Variants in ZNF426 observed in about 807,000 individuals in gnomAD.
ZNF426 encodes CTC-543D15.7.
In ZNF426, 23 loss-of-function variants were observed where a neutral mutation model predicts 24.0. The ratio of observed to expected loss-of-function variants is 0.96; its 90% CI spans 0.69 to 1.36. ZNF426 has a LOEUF of 1.36. ZNF426 is among the 40% of genes most tolerant of loss of function. ZNF426 has a pLI of 0.00. For synonymous variants in ZNF426, 272 were observed against 224.6 expected, an observed-to-expected ratio of 1.21 and a Z score of -1.89; for missense variants, 646 against 658.4, an observed-to-expected ratio of 0.98 and a Z score of 0.21.
chr19:9,533,545 A>G (rs957365224), intron 5 of ZNF426, among the ~76,000 whole-genome samples: 4 of 152,214 alleles, frequency 2.6e-5, no homozygotes, highest in African/African-American at 9.6e-5. Context: ...TTTTTAAAAC[A>G]TTATTGTGCA....
chr19:9,534,078 A>G, intron 4 of ZNF426, 112 bp from the exon 5 acceptor site: 1 of 1,449,542 alleles, frequency 6.9e-7, no homozygotes. Context: ...GGCTGCAGTG[A>G]CCAGCCCCAG....
intron 5 of ZNF426, 25 bp downstream of exon 5, chr19:9,533,815 C>T (rs2073923289): frequency 6.2e-7 from 1 of 1,613,484 alleles, no homozygotes; most frequent in Non-Finnish European, 8.5e-7. Context: ...CCATAGAAGG[C>T]TGCAAGGGAT....
chr19:9,530,932 T>A, intron 7 of ZNF426, 53 bp downstream of exon 7: 4 of 1,450,306 alleles, frequency 2.8e-6, no homozygotes, highest in Non-Finnish European at 3.9e-6. Flanking sequence ...CATAACAGAA[T>A]TCCTGATTTT....
At chr19:9,537,044 C>T (rs986010538) in intron 2 of ZNF426, among the ~76,000 whole-genome samples, 10 of 151,866 alleles carry the variant, frequency 6.6e-5, no homozygotes, top group East Asian at 1.9e-4. Flanking sequence ...GCAGGAGAAT[C>T]GCTTGATCCT....
chr19:9,529,734 G>A, intron 7 of ZNF426, 98 bp from the exon 8 acceptor site: 1 of 1,198,428 alleles, frequency 8.3e-7, no homozygotes, highest in Non-Finnish European at 1.1e-6. Flanking sequence ...GATTATAATT[G>A]ATGCCATTTT....
chr19:9,529,473 G>A lies in ZNF426; in HGVS notation c.572C>T (p.Ser191Phe). Reference protein sequence around the residue: ...KDFLTLCEKTSTGEKLSEFNQ... With the variant: ...KDFLTLCEKTFTGEKLSEFNQ... ...AAACTCAGAAAGTTTCTCACCAGTA[G>A]AGGTTTTCTCACACAGGGTAAGGAA... Residue 191 changes from serine (S) to phenylalanine (F), a missense_variant, in exon 8 of 8, where the codon TCT (serine) becomes TTT (phenylalanine). Coordinates refer to ENST00000253115, the MANE Select transcript of ZNF426 (RefSeq NM_024106.3). The A allele has an allele frequency of 1.2e-6, 2 of 1,614,046 alleles. No individual in the cohort carries two copies. The highest frequency in any genetic ancestry group is 4.5e-5 in the East Asian group (2 of 44,880).
Position 9,526,987 on chromosome 19 carries a change from G to C in ZNF426, c.*1393C>G, listed in dbSNP as rs1267943626. The stretch of plus-strand genomic sequence containing the variant: ...TCTGAAAAATAGCTACAATGTATTA[G>C]ATTACATATGCTAATTTGTGTGTGT... On this transcript the variant is annotated 3_prime_UTR_variant, in exon 8 of 8. Coordinates refer to ENST00000253115, the MANE Select transcript of ZNF426 (RefSeq NM_024106.3). 6.6e-6 allele frequency: 1 copy of C among 152,112 alleles called. No homozygotes were observed. The highest frequency in any genetic ancestry group is 1.9e-4 in the East Asian group (1 of 5,196). 9.4% of individuals were successfully genotyped at this position (152,112 alleles called of 1,614,324 possible).
chr19:9,534,095 AG>A, intron 4 of ZNF426, 129 bp from the exon 5 acceptor site: 2 of 1,331,378 alleles, frequency 1.5e-6, no homozygotes, highest in Non-Finnish European at 1.0e-6. Context: ...CCAGGTTTTA[AG>A]GGTCCTAGAA....
Position 9,533,895 on chromosome 19 carries a change from CTGAGT to C in ZNF426, c.184_188del (p.Thr62GlufsTer6). The C allele has an allele frequency of 6.2e-7, 1 of 1,614,172 alleles. No individual in the cohort carries two copies. The highest frequency in any genetic ancestry group is 8.5e-7 in the Non-Finnish European group (1 of 1,180,008). ...GCATCACGTCACTGTAGAGGCTTCTCTGAGTTGAGTCCAGTAAAGTCCACTCCTCC... is the reference window on the plus strand; with the variant it reads ...GCATCACGTCACTGTAGAGGCTTCTCTGAGTCCAGTAAAGTCCACTCCTCC... On this transcript the variant is annotated frameshift_variant, in exon 5 of 8. Transcript: ENST00000253115. LOFTEE classifies it high-confidence loss of function.
chr19:9,528,721 G>A lies in ZNF426; in HGVS notation c.1324C>T (p.His442Tyr). 6.2e-7 allele frequency: 1 copy of A among 1,614,128 alleles called. No individual in the cohort carries two copies. Among genetic ancestry groups the A allele is most frequent in the South Asian group, 1.1e-5 (1 of 91,074 alleles). Residue 442 changes from histidine (H) to tyrosine (Y), a missense_variant, in exon 8 of 8, where the codon CAC becomes TAC. His to Tyr is a moderately conservative substitution (Grantham distance 83). Transcript: ENST00000253115. ...CAGGTGTATGGTTTCTGGGCACTGTGCGTTCGCATGTGATTATTAAGACAT... is the reference window on the plus strand; with the variant it reads ...CAGGTGTATGGTTTCTGGGCACTGTACGTTCGCATGTGATTATTAAGACAT... ...PSCLNNHMRTHSAQKPYTCKE... is the reference protein window; with the variant it reads ...PSCLNNHMRTYSAQKPYTCKE...
At chr19:9,536,437 A>C in intron 2 of ZNF426, 81 bp from the exon 3 acceptor site, 194 of 1,357,002 alleles carry the variant, frequency 1.4e-4, no homozygotes, top group Non-Finnish European at 1.7e-4. Flanking sequence ...GCAGTAGCTC[A>C]TGCCTGTAAT....
Position 9,529,044 on chromosome 19 carries a change from T to C in ZNF426, c.1001A>G (p.Lys334Arg). The C allele has an allele frequency of 6.2e-7, 1 of 1,613,750 alleles. No homozygotes were observed. Among genetic ancestry groups the C allele is most frequent in the Non-Finnish European group, 8.5e-7 (1 of 1,179,820 alleles). Reference sequence around the variant, plus strand: ...CCCACATTCCTTACATACATAGGGTTTCTCTCCAGTGTGAGTTCTTCCATG... The same window carrying C: ...CCCACATTCCTTACATACATAGGGTCTCTCTCCAGTGTGAGTTCTTCCATG... The part of the protein sequence containing the change: ...QIHGRTHTGE[K>R]PYVCKECGKA... Residue 334 changes from lysine (K) to arginine (R), a missense_variant, in exon 8 of 8, where the codon AAA (lysine) becomes AGA (arginine). Physicochemically the swap from Lys to Arg is conservative, Grantham distance 26. Transcript: ENST00000253115.
Position 9,528,540 on chromosome 19 carries a change from TTC to T in ZNF426, c.1503_1504del (p.Lys502ThrfsTer3). The T allele has an allele frequency of 6.2e-7, 1 of 1,614,216 alleles. No homozygotes were observed. Among genetic ancestry groups the T allele is most frequent in the Non-Finnish European group, 8.5e-7 (1 of 1,180,032 alleles). On this transcript the variant is annotated frameshift_variant, in exon 8 of 8. Transcript: ENST00000253115. LOFTEE classifies it low-confidence loss of function (END_TRUNC). ...CCCACACTCCTTGCATTCATAGGGTTTCTCTCCAGTGTGAGTCCTTTCATGTA... is the reference window on the plus strand; with the variant it reads ...CCCACACTCCTTGCATTCATAGGGTTTCTCCAGTGTGAGTCCTTTCATGTA...
rs1370810533 is a variant in ZNF426, at chr19:9,538,625, C to T, written c.-262G>A. The T allele has an allele frequency of 1.3e-5, 2 of 152,280 alleles. No homozygotes were observed. The highest frequency in any genetic ancestry group is 2.9e-5 in the Non-Finnish European group (2 of 68,094). The allele number at this position is 152,280 out of a possible 1,614,324, so 9.4% of individuals were successfully genotyped here. A position where few individuals can be genotyped will look rare whatever the true frequency, so the allele number is the denominator to read the frequency against. On this transcript the variant is annotated 5_prime_UTR_variant, in exon 1 of 8. Coordinates refer to ENST00000253115, the MANE Select transcript of ZNF426 (RefSeq NM_024106.3). ...AAAGGCAAAAAGACTCTCAGGCGCT[C>T]ACAGCCGGCGTCACAAAAGGAACGG...
chr19:9,532,013 C>A (rs945925847), intron 6 of ZNF426, among the ~76,000 whole-genome samples: 1 of 152,016 alleles, frequency 6.6e-6, no homozygotes, highest in Admixed American at 6.6e-5. Flanking sequence ...ACAAAAGCCA[C>A]AATTAACTTA....
chr19:9,531,927 G>A (rs913528234), intron 6 of ZNF426, among the ~76,000 whole-genome samples: 5 of 152,156 alleles, frequency 3.3e-5, no homozygotes, highest in Admixed American at 2.0e-4. Context: ...GGAGCTTGCA[G>A]TGAGCTGAGA....
Position 9,529,760 on chromosome 19 carries a change from G to A in ZNF426, c.409-124C>T, listed in dbSNP as rs1238596026. ...ATGCCATTTTTATTACATGCATTCAGGTCCTTCCCTGTAGATTTATTTTAA... is the reference window on the plus strand; with the variant it reads ...ATGCCATTTTTATTACATGCATTCAAGTCCTTCCCTGTAGATTTATTTTAA... On this transcript the variant is annotated intron_variant, in intron 7 of 7. Coordinates refer to ENST00000253115, the MANE Select transcript of ZNF426 (RefSeq NM_024106.3). The A allele has an allele frequency of 1.5e-5, 13 of 862,968 alleles. No homozygotes were observed. The South Asian group carries it at 2.2e-4, about 15-fold the overall frequency. 53.5% of individuals were successfully genotyped at this position (862,968 alleles called of 1,614,324 possible).
In ZNF426 at chr19:9,527,865, T is replaced by TCA. The variant is rs1289952335; in HGVS notation, c.*513_*514dup. 6.5e-6 allele frequency: 1 copy of TCA among 152,726 alleles called. No homozygotes were observed. The highest frequency in any genetic ancestry group is 1.5e-5 in the Non-Finnish European group (1 of 68,414). 9.5% of individuals were successfully genotyped at this position (152,726 alleles called of 1,614,324 possible). On this transcript the variant is annotated 3_prime_UTR_variant, in exon 8 of 8. Coordinates refer to ENST00000253115, the MANE Select transcript of ZNF426 (RefSeq NM_024106.3). Reference sequence around the variant, plus strand: ...TCTGTCTTTGGCTTGCAGATGGCCATCATCTGATGACTTCACATCATCTTC... The same window carrying TCA: ...TCTGTCTTTGGCTTGCAGATGGCCATCACATCTGATGACTTCACATCATCTTC...
rs987626872 is a variant in ZNF426 at position 9,526,264 on chromosome 19, G to A, written c.*2116C>T. On this transcript the variant is annotated 3_prime_UTR_variant, in exon 8 of 8. Transcript: ENST00000253115. Reference sequence around the variant, plus strand: ...ATTACAAGCATACTAAAAGGCAAAAGTTAGTTTAAAGAGAAAGAGTAAGAA... The same window carrying A: ...ATTACAAGCATACTAAAAGGCAAAAATTAGTTTAAAGAGAAAGAGTAAGAA... The A allele has an allele frequency of 1.3e-5, 2 of 151,440 alleles. No homozygotes were observed. Among genetic ancestry groups the A allele is most frequent in the African/African-American group, 4.9e-5 (2 of 41,176 alleles). The allele number at this position is 151,440 out of a possible 1,614,324, so 9.4% of individuals were successfully genotyped here. A position where few individuals can be genotyped will look rare whatever the true frequency, so the allele number is the denominator to read the frequency against.
Sources: gnomAD v4.1 joint callset for allele counts (sites outside exome capture counted in the v4.1 genomes callset) on GRCh38, gnomAD v4.1.1 for gene constraint, MANE v1.5 for transcripts, NCBI Gene and HGNC (gene_info 2026-07-23, HGNC 2026-07-21) for gene names.